Variants in INPP5A observed in about 807,000 individuals in gnomAD.
INPP5A encodes 43 kDa inositol polyphosphate 5-phophatase.
A neutral mutation model predicts 65.2 loss-of-function variants in INPP5A; 14 were observed. That is an observed-to-expected ratio of 0.21 (90% confidence interval 0.14 to 0.34). The LOEUF (loss-of-function observed/expected upper bound fraction) is 0.34. Among genes scored for constraint, INPP5A ranks in the 10% least tolerant of loss-of-function variants. The pLI is 1.00. For missense variants in INPP5A, 431 were observed against 545.6 expected (o/e 0.79, Z 2.09); for synonymous variants, 207 against 208.3 (o/e 0.99, Z 0.05).
rs754125292 is a variant in INPP5A at position 132,659,686 on chromosome 10, C to T, written c.306+9181C>T. Among the ~76,000 whole-genome samples the T allele has an allele frequency of 9.9e-5, 15 of 152,224 alleles. No homozygotes were observed. Among genetic ancestry groups the T allele is most frequent in the Admixed American group, 3.3e-4 (5 of 15,292 alleles). ...CTGCACGCAGGCCCACAGCAAGGGC[C>T]GGATCAGGAGAACAACCCACTTGGC... On this transcript the variant is annotated intron_variant, in intron 4 of 15. Transcript: ENST00000368594. The surrounding 1 kb of genome is among the most constrained non-coding windows in gnomAD (Gnocchi z 5.5).
chr10:132,741,611 G>A lies in INPP5A; in HGVS notation c.733-7906G>A, dbSNP rs1241404907. Among the ~76,000 whole-genome samples the A allele has an allele frequency of 1.3e-5, 2 of 152,114 alleles. No homozygotes were observed. Among genetic ancestry groups the A allele is most frequent in the Admixed American group, 6.6e-5 (1 of 15,262 alleles). Reference sequence around the variant, plus strand: ...GCTGCTGTCCACTCTGCAGAACCCCGGCCCTCGTCACACCCAGAACAGGAT... The same window carrying A: ...GCTGCTGTCCACTCTGCAGAACCCCAGCCCTCGTCACACCCAGAACAGGAT... On this transcript the variant is annotated intron_variant, in intron 9 of 15. Transcript: ENST00000368594. This position sits in a 1 kb window ranked among gnomAD's most constrained non-coding sequence, Gnocchi z 4.4.
Position 132,577,864 on chromosome 10 carries a change from G to A in INPP5A, c.76-30051G>A, listed in dbSNP as rs373971891. ...CAGCCTCGTTGGTTACTCGGCAGCCGTCAGACTCCTGGTTTGAGAAGGGAG... is the reference window on the plus strand; with the variant it reads ...CAGCCTCGTTGGTTACTCGGCAGCCATCAGACTCCTGGTTTGAGAAGGGAG... On this transcript the variant is annotated intron_variant, in intron 1 of 15. Transcript: ENST00000368594. 3.3e-5 allele frequency among the ~76,000 whole-genome samples: 5 copies of A among 152,342 alleles called. 1 individual carries two copies. The East Asian group carries it at 9.7e-4, about 29-fold the overall frequency.
In INPP5A at chr10:132,727,196, C is replaced by T. The variant is rs368324045; in HGVS notation, c.732+291C>T. ...GGCACACAAGGAGCTGCTGGAGTGCCGTCACAGCGCCACCCCCTCGATGCC... is the reference window on the plus strand; with the variant it reads ...GGCACACAAGGAGCTGCTGGAGTGCTGTCACAGCGCCACCCCCTCGATGCC... On this transcript the variant is annotated intron_variant, in intron 9 of 15. Transcript: ENST00000368594. This position sits in a 1 kb window ranked among gnomAD's most constrained non-coding sequence, Gnocchi z 6.5. The T allele has an allele frequency of 2.3e-3, 683 of 295,128 alleles. 2 individuals are homozygous for T. The highest frequency in any genetic ancestry group is 4.0e-3 in the Middle Eastern group (4 of 1,010). 18.3% of individuals were successfully genotyped at this position (295,128 alleles called of 1,614,324 possible). A position where few individuals can be genotyped will look rare whatever the true frequency, so the allele number is the denominator to read the frequency against.
At chr10:132,649,008 C>G (rs987061119) in intron 3 of INPP5A, among the ~76,000 whole-genome samples, 1 of 152,134 alleles carries the variant, frequency 6.6e-6, no homozygotes, top group African/African-American at 2.4e-5. Context: ...GCTCCAGTTA[C>G]CTGATGTTAG....
chr10:132,752,531 T>TGGCGTGGAGG (rs1846509040), intron 11 of INPP5A, among the ~76,000 whole-genome samples: 1 of 81,048 alleles, frequency 1.2e-5, no homozygotes, highest in Non-Finnish European at 2.4e-5. Flanking sequence ...GGAGGAGGTG[T>TGGCGTGGAGG]GGCGTGGAGG....
intron 1 of INPP5A, among the ~76,000 whole-genome samples, chr10:132,596,917 G>GCGCA (rs1348555658): frequency 2.0e-4 from 17 of 84,652 alleles, no homozygotes; most frequent in African/African-American, 6.1e-4. Context: ...ATGTGTGCAT[G>GCGCA]TGTGCGCGCA....
At chr10:132,756,290 G>A (rs193287380) in intron 11 of INPP5A, among the ~76,000 whole-genome samples, 17 of 152,068 alleles carry the variant, frequency 1.1e-4, no homozygotes, top group Non-Finnish European at 8.8e-5. Flanking sequence ...GTGTGCATGT[G>A]CACTAGTGTG....
chr10:132,600,826 C>T (rs993018576), intron 1 of INPP5A, among the ~76,000 whole-genome samples: 3 of 152,190 alleles, frequency 2.0e-5, no homozygotes, highest in African/African-American at 7.2e-5. Context: ...CCCTGATAAA[C>T]CCATCAGATC....
At chr10:132,641,218 C>T (rs568594204) in intron 2 of INPP5A, among the ~76,000 whole-genome samples, 7 of 152,350 alleles carry the variant, frequency 4.6e-5, no homozygotes, top group South Asian at 2.1e-4. Context: ...CAGGATAACA[C>T]GTTGCTCCAT....
intron 4 of INPP5A, among the ~76,000 whole-genome samples, chr10:132,686,873 C>A (rs1456334276): frequency 6.6e-6 from 1 of 152,230 alleles, no homozygotes; most frequent in Non-Finnish European, 1.5e-5. Flanking sequence ...CATAGGCCTG[C>A]AGTTTTCTCT....
At chr10:132,738,786 A>C (rs1054056165) in intron 9 of INPP5A, among the ~76,000 whole-genome samples, 2 of 152,132 alleles carry the variant, frequency 1.3e-5, no homozygotes, top group Non-Finnish European at 2.9e-5. Flanking sequence ...GAGAGGAGGG[A>C]GGCCACTCGG....
chr10:132,780,786 G>T, intron 13 of INPP5A, 63 bp from the exon 14 acceptor site: 3 of 1,316,502 alleles, frequency 2.3e-6, no homozygotes, highest in South Asian at 2.3e-5. Context: ...CTGCCAGTCA[G>T]CTCCCAACTG....
chr10:132,706,902 G>T lies in INPP5A; in HGVS notation c.475-1411G>T, dbSNP rs1412700351. ...GCCAACAGGCCAGGCGAGATGAAGG[G>T]CGAGTGTCTGTAGGAGTTTGCCTGT... On this transcript the variant is annotated intron_variant, in intron 6 of 15. Coordinates refer to ENST00000368594, the MANE Select transcript of INPP5A (RefSeq NM_005539.5). The surrounding 1 kb of genome is among the most constrained non-coding windows in gnomAD (Gnocchi z 4.7). Among the ~76,000 whole-genome samples, 1 of 152,226 alleles carries T rather than the reference G, an allele frequency of 6.6e-6. No individual in the cohort carries two copies. The highest frequency in any genetic ancestry group is 1.5e-5 in the Non-Finnish European group (1 of 68,044).
chr10:132,771,571 A>G (rs1288557623), intron 12 of INPP5A, among the ~76,000 whole-genome samples: 4 of 152,146 alleles, frequency 2.6e-5, no homozygotes, highest in African/African-American at 9.7e-5. Flanking sequence ...CAACTCCAGA[A>G]CTGCCCAAAA....
chr10:132,689,697 T>C (rs912269582), intron 4 of INPP5A, among the ~76,000 whole-genome samples: 4 of 152,216 alleles, frequency 2.6e-5, no homozygotes, highest in Non-Finnish European at 5.9e-5. Context: ...CTGTAGAAAA[T>C]ACCACGTGAA....
intron 9 of INPP5A, among the ~76,000 whole-genome samples, chr10:132,745,523 C>T (rs902322975): frequency 7.5e-6 from 1 of 134,036 alleles, no homozygotes; most frequent in Admixed American, 7.4e-5. Flanking sequence ...TGTGCTGGGC[C>T]CTGCTGGGAC....
chr10:132,744,985 G>A (rs929983482), intron 9 of INPP5A, among the ~76,000 whole-genome samples: 6 of 152,172 alleles, frequency 3.9e-5, no homozygotes, highest in Non-Finnish European at 8.8e-5. Context: ...TGCGAGGCCC[G>A]GGCTGCCCGC....
At position 132,756,898 on chromosome 10, in the gene INPP5A, G is replaced by A. The variant is rs573414126; in HGVS notation, c.903+7053G>A. ...AACGTCGATGATCCTGACCCTGTGC[G>A]GGCCTAGGCTCATGTCTGTGTCGTT... is the stretch of plus-strand genomic sequence containing the variant. On this transcript the variant is annotated intron_variant, in intron 11 of 15. Transcript: ENST00000368594. Among the ~76,000 whole-genome samples, 521 of 152,286 alleles carry A rather than the reference G, an allele frequency of 3.4e-3. 3 individuals carry two copies. The highest frequency in any genetic ancestry group is 0.012 in the African/African-American group (492 of 41,550).
chr10:132,618,138 C>T (rs997452566), intron 2 of INPP5A, among the ~76,000 whole-genome samples: 2 of 152,174 alleles, frequency 1.3e-5, no homozygotes, highest in East Asian at 3.8e-4. Context: ...TACTTATTCA[C>T]TTTAAATACC....
Sources: gnomAD v4.1 joint callset for allele counts (sites outside exome capture counted in the v4.1 genomes callset) on GRCh38, gnomAD v4.1.1 for gene constraint, Gnocchi (gnomAD v3.1) non-coding constraint, MANE v1.5 for transcripts, NCBI Gene and HGNC (gene_info 2026-07-23, HGNC 2026-07-21) for gene names.